Variants in ACAP2 observed in about 807,000 individuals in gnomAD.
ACAP2 encodes the protein ArfGAP with coiled-coil, ankyrin repeat and PH domains 2, also known as arf-GAP with coiled-coil, ANK repeat and PH domain-containing protein 2.
Under a neutral mutation model 115.8 loss-of-function variants are expected in ACAP2, and 39 were observed. That is an observed-to-expected ratio of 0.34 (90% confidence interval 0.26 to 0.44). The LOEUF is 0.44. Among genes scored for constraint, ACAP2 ranks in the 20% least tolerant of loss-of-function variants. The pLI is 1.00. For synonymous variants in ACAP2, 289 were observed against 315.8 expected, an observed-to-expected ratio of 0.92 and a Z score of 0.90; for missense variants, 662 against 927.6, an observed-to-expected ratio of 0.71 and a Z score of 3.72.
chr3:195,425,509 A>T (rs1046236693), intron 1 of ACAP2, among the ~76,000 whole-genome samples: 1 of 152,212 alleles, frequency 6.6e-6, no homozygotes, highest in African/African-American at 2.4e-5. Context: ...GAATAAAAAG[A>T]CATGGTGGTC....
rs1467146739 is a variant in ACAP2, at chr3:195,278,029, T to G, written c.*1299A>C. On this transcript the variant is annotated 3_prime_UTR_variant, in exon 23 of 23. Transcript: ENST00000326793. ...CCAAGAGGAGGAGGCTGCAGTGAGCTGAGATCGTGCCACTGCACTCCAGCC... is the reference window on the plus strand; with the variant it reads ...CCAAGAGGAGGAGGCTGCAGTGAGCGGAGATCGTGCCACTGCACTCCAGCC... 1 of 146,156 alleles carries G rather than the reference T, an allele frequency of 6.8e-6. No homozygotes were observed. The highest frequency in any genetic ancestry group is 1.5e-5 in the Non-Finnish European group (1 of 67,310). 9.1% of individuals were successfully genotyped at this position (146,156 alleles called of 1,614,324 possible).
intron 4 of ACAP2, among the ~76,000 whole-genome samples, chr3:195,371,368 T>C (rs1733127870): frequency 6.6e-6 from 1 of 152,196 alleles, no homozygotes. Context: ...TTGGATGTTG[T>C]TGGTGTACAG....
chr3:195,404,281 CAA>C, intron 1 of ACAP2, among the ~76,000 whole-genome samples: 1 of 152,154 alleles, frequency 6.6e-6, no homozygotes, highest in East Asian at 1.9e-4. Flanking sequence ...ACAGGTCAAA[CAA>C]GAGGACTAAG....
intron 1 of ACAP2, among the ~76,000 whole-genome samples, chr3:195,430,864 C>T (rs563419362): frequency 4.1e-4 from 63 of 152,294 alleles, no homozygotes; most frequent in African/African-American, 1.4e-3. Flanking sequence ...AAATGTTCTA[C>T]GCTTCAAACC....
intron 22 of ACAP2, among the ~76,000 whole-genome samples, chr3:195,281,201 G>C (rs1459878131): frequency 6.6e-6 from 1 of 152,078 alleles, no homozygotes; most frequent in Non-Finnish European, 1.5e-5. Flanking sequence ...GTCAGGAGAT[G>C]GAGACCATCC....
chr3:195,287,845 T>TGTAA (rs528852659), intron 21 of ACAP2, among the ~76,000 whole-genome samples: 141 of 152,280 alleles, frequency 9.3e-4, no homozygotes, highest in African/African-American at 3.2e-3. Flanking sequence ...GACTCACGCC[T>TGTAA]GTAATCCTAG....
rs56055597 is a variant in ACAP2 at position 195,304,163 on chromosome 3, CAAAAAAAAAAAAAAA to C, written c.1117-2004_1117-1990del. Among the ~76,000 whole-genome samples the C allele has an allele frequency of 1.1e-3, 71 of 63,276 alleles. 1 individual carries two copies. The South Asian group carries it at 0.02, about 18-fold the overall frequency. 41.5% of individuals were successfully genotyped at this position (63,276 alleles called of 152,430 possible). On this transcript the variant is annotated intron_variant, in intron 13 of 22. Coordinates refer to ENST00000326793, the MANE Select transcript of ACAP2 (RefSeq NM_012287.6). ...TGGGCAATGGAGTGAGACTCCATCT[CAAAAAAAAAAAAAAA>C]AAAAAAAAAAAAAAAAACTTCCCTG...
intron 10 of ACAP2, 131 bp downstream of exon 10, chr3:195,320,570 C>A (rs1729383099): frequency 1.8e-6 from 1 of 548,634 alleles, no homozygotes; most frequent in African/African-American, 1.9e-5. Flanking sequence ...CTTCAATAGA[C>A]TGGGTTCAGG....
chr3:195,441,567 A>C (rs1281918113), intron 1 of ACAP2, among the ~76,000 whole-genome samples: 1 of 152,194 alleles, frequency 6.6e-6, no homozygotes, highest in Non-Finnish European at 1.5e-5. Flanking sequence ...TGAAAGGAGA[A>C]TAAGAAATCC....
intron 8 of ACAP2, among the ~76,000 whole-genome samples, chr3:195,332,613 G>C (rs1279030060): frequency 1.3e-5 from 2 of 152,084 alleles, no homozygotes; most frequent in Admixed American, 6.5e-5. Context: ...ATCTCATCTT[G>C]AATTATAATC....
At chr3:195,320,856 AGTTT>A in intron 9 of ACAP2, 43 bp from the exon 10 acceptor site, 1 of 1,339,290 alleles carries the variant, frequency 7.5e-7, no homozygotes, top group Non-Finnish European at 1.1e-6. Flanking sequence ...GACTTGACTA[AGTTT>A]CCTAGACAAG....
intron 1 of ACAP2, among the ~76,000 whole-genome samples, chr3:195,420,744 G>C (rs1480133749): frequency 6.6e-6 from 1 of 152,082 alleles, no homozygotes; most frequent in East Asian, 1.9e-4. Flanking sequence ...CCAGGTTCAA[G>C]TGATTCTCCC....
chr3:195,294,376 G>A (rs1207791073), intron 18 of ACAP2, among the ~76,000 whole-genome samples: 3 of 150,998 alleles, frequency 2.0e-5, no homozygotes, highest in Admixed American at 6.6e-5. Context: ...TCAGGAGTTC[G>A]AGACCAGCCT....
chr3:195,279,479 AAAC>A (rs752956893), intron 22 of ACAP2, 51 bp from the exon 23 acceptor site: 2 of 1,203,488 alleles, frequency 1.7e-6, no homozygotes, highest in Admixed American at 2.5e-5. Context: ...AGTATTAATC[AAAC>A]AACATTCATA....
chr3:195,373,555 T>C (rs1044437926), intron 4 of ACAP2, among the ~76,000 whole-genome samples: 2 of 152,192 alleles, frequency 1.3e-5, no homozygotes, highest in African/African-American at 4.8e-5. Context: ...ACACTAGTTA[T>C]TGACTTTAAA....
chr3:195,405,098 C>G (rs1475306755), intron 1 of ACAP2, among the ~76,000 whole-genome samples: 3 of 151,200 alleles, frequency 2.0e-5, no homozygotes, highest in Non-Finnish European at 4.4e-5. Flanking sequence ...CCGCAACCAG[C>G]CTATTGCCGC....
At chr3:195,301,155 G>C (rs1393481428) in intron 15 of ACAP2, among the ~76,000 whole-genome samples, 1 of 151,124 alleles carries the variant, frequency 6.6e-6, no homozygotes, top group African/African-American at 2.4e-5. Context: ...GCGCGATCTC[G>C]GCTCACTGCA....
At chr3:195,414,676 C>G (rs1442708653) in intron 1 of ACAP2, among the ~76,000 whole-genome samples, 1 of 152,150 alleles carries the variant, frequency 6.6e-6, no homozygotes, top group Non-Finnish European at 1.5e-5. Flanking sequence ...GCTACAAAAT[C>G]TGAGACTTTT....
chr3:195,337,070 T>C (rs2108637493), intron 6 of ACAP2, 94 bp from the exon 7 acceptor site: 2 of 1,186,138 alleles, frequency 1.7e-6, no homozygotes, highest in Non-Finnish European at 1.2e-6. Flanking sequence ...GGTTTAATAC[T>C]TTTCGAAAAA....
Sources: allele counts gnomAD v4.1 joint callset (sites outside exome capture counted in the v4.1 genomes callset), GRCh38; gene constraint gnomAD v4.1.1; transcripts MANE v1.5; gene names NCBI Gene and HGNC (gene_info 2026-07-23, HGNC 2026-07-21).